Variants in HIVEP3 observed in about 807,000 individuals in gnomAD.
The protein encoded by HIVEP3 is transcription factor HIVEP3.
In HIVEP3, 49 loss-of-function variants were observed where a neutral mutation model predicts 152.8. That is an observed-to-expected ratio of 0.32 (90% CI 0.26 to 0.41). HIVEP3 has a LOEUF of 0.41. Among genes scored for constraint, HIVEP3 ranks in the 10% least tolerant of loss-of-function variants. HIVEP3 has a pLI of 1.00. For missense variants in HIVEP3, 2,790 were observed against 3,103.3 expected (o/e 0.90, Z 2.40); for synonymous variants, 1,269 against 1,289.0 (o/e 0.98, Z 0.33).
chr1:41,939,726 T>C (rs141728531), intron 1 of HIVEP3, among the ~76,000 whole-genome samples: 1 of 152,284 alleles, frequency 6.6e-6, no homozygotes, highest in Admixed American at 6.5e-5. Flanking sequence ...ATTACATAAA[T>C]ACAAAGATTT....
At chr1:41,772,740 T>C (rs766607471) in intron 1 of HIVEP3, among the ~76,000 whole-genome samples, 74 of 152,104 alleles carry the variant, frequency 4.9e-4, no homozygotes, top group Non-Finnish European at 9.0e-4. Flanking sequence ...CAAAACCCCA[T>C]CTCTACTAAA....
rs375542596 is a variant in HIVEP3, at chr1:41,583,672, C to T, written c.1126G>A (p.Asp376Asn). The T allele has an allele frequency of 1.1e-5, 17 of 1,614,106 alleles. No individual in the cohort carries two copies. The East Asian group carries it at 1.1e-4, about 11-fold the overall frequency. Residue 376 changes from aspartate (D) to asparagine (N), a missense_variant, in exon 4 of 9, where the codon GAT becomes AAT. By Grantham distance (23) the Asp-to-Asn change is conservative. Transcript: ENST00000372583. The surrounding 1 kb of genome is among the most constrained non-coding windows in gnomAD (Gnocchi z 6.9). ...CCTGGGCTCAGAAACGCCTGCTCAT[C>T]GATCACCTTCTTCCTCTCGCTTAAG... ...LRLSERKKVI[D>N]EQAFLSPGSK... is the part of the protein sequence containing the mutation.
In HIVEP3 at chr1:41,507,754, AC is replaced by A. The variant is rs1279534290; in HGVS notation, c.*2696del. On this transcript the variant is annotated 3_prime_UTR_variant, in exon 9 of 9. Transcript: ENST00000372583. ...GTCTTTCTCCAAATCATGAAGGTGT[AC>A]CTGTGGGCTGGGGGCTCTGTGCGCA... 6.6e-6 allele frequency: 1 copy of A among 152,338 alleles called. No individual in the cohort carries two copies. Among genetic ancestry groups the A allele is most frequent in the Non-Finnish European group, 1.5e-5 (1 of 68,164 alleles). The allele number at this position is 152,338 out of a possible 1,614,324, so 9.4% of individuals were successfully genotyped here.
intron 1 of HIVEP3, among the ~76,000 whole-genome samples, chr1:41,758,494 GA>G (rs1214068006): frequency 5.3e-5 from 8 of 152,226 alleles, no homozygotes; most frequent in Non-Finnish European, 7.3e-5. Context: ...AGACCTGTCT[GA>G]AGACAGGCTG....
intron 1 of HIVEP3, among the ~76,000 whole-genome samples, chr1:41,815,470 CAAAAAAAGAAAG>C (rs1651204405): frequency 2.7e-5 from 4 of 150,374 alleles, no homozygotes; most frequent in Admixed American, 2.6e-4. Context: ...GACCCTGTCT[CAAAAAAAGAAAG>C]AAAAAAAGAG....
chr1:41,764,955 T>G (rs1027275755), intron 1 of HIVEP3, among the ~76,000 whole-genome samples: 1 of 152,200 alleles, frequency 6.6e-6, no homozygotes, highest in Non-Finnish European at 1.5e-5. Flanking sequence ...TGGCATGGGA[T>G]AGATGCTAGG....
At chr1:41,983,427 CT>C (rs1645304961) in intron 1 of HIVEP3, among the ~76,000 whole-genome samples, 1 of 152,034 alleles carries the variant, frequency 6.6e-6, no homozygotes, top group African/African-American at 2.4e-5. Context: ...TTTTGTTATC[CT>C]TTTCCTTATG....
intron 1 of HIVEP3, among the ~76,000 whole-genome samples, chr1:41,828,579 T>G (rs1642870155): frequency 2.0e-5 from 3 of 152,242 alleles, no homozygotes; most frequent in Admixed American, 2.0e-4. Context: ...TTTGGCTGAC[T>G]GAATCACTGG....
chr1:41,518,284 G>A, intron 7 of HIVEP3, 118 bp downstream of exon 7: 2 of 824,182 alleles, frequency 2.4e-6, no homozygotes, highest in East Asian at 2.4e-5. Flanking sequence ...AGAGAGGGGA[G>A]GAGGGGGAAT....
At chr1:41,826,354 A>C (rs1642803323) in intron 1 of HIVEP3, among the ~76,000 whole-genome samples, 1 of 152,242 alleles carries the variant, frequency 6.6e-6, no homozygotes, top group Admixed American at 6.5e-5. Context: ...CATTAGTAGC[A>C]GTACTCACTC....
intron 2 of HIVEP3, among the ~76,000 whole-genome samples, chr1:41,691,921 T>C (rs924574404): frequency 1.3e-5 from 2 of 151,432 alleles, no homozygotes; most frequent in African/African-American, 4.9e-5. Context: ...TCATTGTATC[T>C]GTAACCTCCG....
At chr1:41,871,278 A>G (rs922105044) in intron 1 of HIVEP3, among the ~76,000 whole-genome samples, 8 of 152,208 alleles carry the variant, frequency 5.3e-5, no homozygotes, top group African/African-American at 1.4e-4. Context: ...CAAACCCTCA[A>G]GGTTTCTCCA....
At chr1:41,941,883 C>A (rs910130731) in intron 1 of HIVEP3, among the ~76,000 whole-genome samples, 1 of 152,174 alleles carries the variant, frequency 6.6e-6, no homozygotes, top group Non-Finnish European at 1.5e-5. Flanking sequence ...GCTACTGGAT[C>A]GCTGGATCAC....
At chr1:41,605,104 CCAAT>C (rs1644799550) in intron 3 of HIVEP3, among the ~76,000 whole-genome samples, 1 of 72,464 alleles carries the variant, frequency 1.4e-5, no homozygotes, top group African/African-American at 4.3e-5. Context: ...GACTCTGTCT[CCAAT>C]AAAAAAAAAA....
At chr1:42,007,681 T>C (rs1388941250) in intron 1 of HIVEP3, among the ~76,000 whole-genome samples, 1 of 152,226 alleles carries the variant, frequency 6.6e-6, no homozygotes, top group Admixed American at 6.5e-5. Flanking sequence ...AAGTGCACAC[T>C]GTTCACCAGA....
intron 3 of HIVEP3, among the ~76,000 whole-genome samples, chr1:41,597,527 G>A (rs1420204272): frequency 6.6e-6 from 1 of 152,090 alleles, no homozygotes; most frequent in Non-Finnish European, 1.5e-5. Context: ...CCTTCAGGCG[G>A]GTACTATTAT....
intron 1 of HIVEP3, among the ~76,000 whole-genome samples, chr1:41,982,135 G>T (rs1297806549): frequency 6.6e-6 from 1 of 152,152 alleles, no homozygotes; most frequent in African/African-American, 2.4e-5. Context: ...TTCCTTGTTT[G>T]CTTGGTTTTA....
In HIVEP3 at chr1:41,662,838, A is replaced by T. The variant is rs898022186; in HGVS notation, c.-720-33891T>A. 6.6e-6 allele frequency among the ~76,000 whole-genome samples: 1 copy of T among 152,092 alleles called. No individual in the cohort carries two copies. Among genetic ancestry groups the T allele is most frequent in the Admixed American group, 6.5e-5 (1 of 15,288 alleles). Reference sequence around the variant, plus strand: ...CCACGCCTTGGTCGCACCCGGGCCCAGCGGGAGTCCATCGCCGTCCCCAAA... The same window carrying T: ...CCACGCCTTGGTCGCACCCGGGCCCTGCGGGAGTCCATCGCCGTCCCCAAA... On this transcript the variant is annotated intron_variant, in intron 2 of 8. Coordinates refer to ENST00000372583, the MANE Select transcript of HIVEP3 (RefSeq NM_024503.5). This position sits in a 1 kb window ranked among gnomAD's most constrained non-coding sequence, Gnocchi z 7.2.
intron 2 of HIVEP3, among the ~76,000 whole-genome samples, chr1:41,644,433 G>T (rs1159976846): frequency 1.3e-5 from 2 of 152,244 alleles, no homozygotes; most frequent in Admixed American, 1.3e-4. Context: ...ACCTGAACAA[G>T]TCTGTCTCTA....
Sources: allele counts gnomAD v4.1 joint callset (sites outside exome capture counted in the v4.1 genomes callset), GRCh38; gene constraint gnomAD v4.1.1; non-coding constraint Gnocchi (gnomAD v3.1); transcripts MANE v1.5; gene names NCBI Gene and HGNC (gene_info 2026-07-23, HGNC 2026-07-21).